WWOX: variants seen among roughly 807,000 people sequenced by gnomAD.
WWOX encodes WW domain-containing oxidoreductase.
WWOX carries 69 observed loss-of-function variants against 46.2 expected under a neutral mutation model. The ratio of observed to expected loss-of-function variants is 1.49; its 90% CI spans 1.23 to 1.82. The LOEUF is 1.82. Ranked by LOEUF, WWOX falls within the 40% of genes most tolerant of loss-of-function variation. WWOX has a pLI of 0.00. For missense variants in WWOX, 919 were observed against 542.6 expected (o/e 1.69, Z -6.89); for synonymous variants, 359 against 202.6 (o/e 1.77, Z -6.56).
At chr16:78,971,597 A>G (rs2046471805) in intron 8 of WWOX, among the ~76,000 whole-genome samples, 1 of 152,130 alleles carries the variant, frequency 6.6e-6, no homozygotes, top group Non-Finnish European at 1.5e-5. Context: ...CCAGAAGAGC[A>G]TAAGAAAAAG....
chr16:78,874,659 G>C (rs1555555472), intron 8 of WWOX, among the ~76,000 whole-genome samples: 2 of 145,732 alleles, frequency 1.4e-5, no homozygotes, highest in Non-Finnish European at 3.0e-5. Flanking sequence ...ACCTTCAACT[G>C]TGTCTGTGAC....
intron 8 of WWOX, among the ~76,000 whole-genome samples, chr16:79,037,767 T>C (rs571927989): frequency 6.6e-6 from 1 of 152,280 alleles, no homozygotes; most frequent in South Asian, 2.1e-4. Context: ...GAGTTGTTTT[T>C]ATCCCCTACA....
intron 8 of WWOX, among the ~76,000 whole-genome samples, chr16:78,634,252 G>C (rs927931220): frequency 1.3e-5 from 2 of 152,204 alleles, no homozygotes. Context: ...AGTTAGTTAA[G>C]TGTATGACAA....
At chr16:78,647,881 G>A (rs914997779) in intron 8 of WWOX, among the ~76,000 whole-genome samples, 1 of 151,850 alleles carries the variant, frequency 6.6e-6, no homozygotes, top group Non-Finnish European at 1.5e-5. Flanking sequence ...CTCTCACTCT[G>A]AGTATTTAGA....
At chr16:78,816,961 A>C (rs2051346589) in intron 8 of WWOX, among the ~76,000 whole-genome samples, 1 of 152,114 alleles carries the variant, frequency 6.6e-6, no homozygotes, top group African/African-American at 2.4e-5. Flanking sequence ...ACAAACAAGT[A>C]AATACCTTGG....
chr16:78,515,160 G>T (rs185190640), intron 8 of WWOX, among the ~76,000 whole-genome samples: 18 of 152,240 alleles, frequency 1.2e-4, no homozygotes, highest in African/African-American at 4.1e-4. Flanking sequence ...GGAGGCGGAG[G>T]TTACAGTGAA....
At chr16:78,858,872 T>C (rs1004987145) in intron 8 of WWOX, among the ~76,000 whole-genome samples, 4 of 150,616 alleles carry the variant, frequency 2.7e-5, no homozygotes, top group African/African-American at 9.8e-5. Context: ...GTAGTTGGGG[T>C]CTCACCATGT....
chr16:78,698,383 T>A (rs2048144610), intron 8 of WWOX, among the ~76,000 whole-genome samples: 1 of 152,236 alleles, frequency 6.6e-6, no homozygotes, highest in African/African-American at 2.4e-5. Flanking sequence ...CACAGAGGTT[T>A]CGCTACATTT....
intron 8 of WWOX, among the ~76,000 whole-genome samples, chr16:78,632,861 T>C (rs946556621): frequency 6.6e-6 from 1 of 151,960 alleles, no homozygotes; most frequent in African/African-American, 2.4e-5. Context: ...CCCGGCCTAC[T>C]TGGCCAAATT....
intron 8 of WWOX, among the ~76,000 whole-genome samples, chr16:78,498,031 T>C (rs1277422275): frequency 6.6e-6 from 1 of 151,616 alleles, no homozygotes; most frequent in Non-Finnish European, 1.5e-5. Context: ...TGAAATGCTG[T>C]CTCTACTAAA....
chr16:78,842,631 A>C (rs905511479), intron 8 of WWOX, among the ~76,000 whole-genome samples: 10 of 152,202 alleles, frequency 6.6e-5, no homozygotes, highest in South Asian at 2.1e-4. Context: ...TGGGAGGTCA[A>C]GGCGGATGGA....
At chr16:79,012,193 A>G (rs1469419681) in intron 8 of WWOX, among the ~76,000 whole-genome samples, 1 of 152,122 alleles carries the variant, frequency 6.6e-6, no homozygotes, top group Non-Finnish European at 1.5e-5. Context: ...GCCACAAGCC[A>G]CATCTGGCTG....
At chr16:78,410,884 G>C (rs541726596) in intron 6 of WWOX, among the ~76,000 whole-genome samples, 109 of 151,250 alleles carry the variant, frequency 7.2e-4, no homozygotes, top group African/African-American at 2.5e-3. Flanking sequence ...CTAACATCAT[G>C]CATGGCTGTT....
chr16:79,051,575 G>GGGTGGGA (rs1348607455), intron 8 of WWOX, among the ~76,000 whole-genome samples: 1 of 151,780 alleles, frequency 6.6e-6, no homozygotes, highest in African/African-American at 2.4e-5. Flanking sequence ...TGTGCTGGGT[G>GGGTGGGA]GGTGGGAGGG....
chr16:78,926,120 C>T (rs1049718355), intron 8 of WWOX, among the ~76,000 whole-genome samples: 1 of 152,116 alleles, frequency 6.6e-6, no homozygotes, highest in African/African-American at 2.4e-5. Context: ...AAATACAGCA[C>T]TTTGGGAGTG....
chr16:78,924,611 G>C (rs2045456818), intron 8 of WWOX, among the ~76,000 whole-genome samples: 1 of 152,136 alleles, frequency 6.6e-6, no homozygotes, highest in South Asian at 2.1e-4. Context: ...ACATATATCA[G>C]AGTCCTTTTG....
chr16:78,182,475 C>G (rs565754925), intron 5 of WWOX, among the ~76,000 whole-genome samples: 2 of 151,964 alleles, frequency 1.3e-5, no homozygotes, highest in African/African-American at 2.4e-5. Flanking sequence ...AGCTTTTCCT[C>G]CCCACATCTG....
intron 4 of WWOX, among the ~76,000 whole-genome samples, chr16:78,141,123 G>A (rs1727565352): frequency 6.6e-6 from 1 of 152,218 alleles, no homozygotes; most frequent in Non-Finnish European, 1.5e-5. Flanking sequence ...GGATCACAGA[G>A]CAAGCTGCCT....
At chr16:78,712,186 G>C (rs1357224643) in intron 8 of WWOX, among the ~76,000 whole-genome samples, 1 of 152,104 alleles carries the variant, frequency 6.6e-6, no homozygotes, top group African/African-American at 2.4e-5. Flanking sequence ...GGCTCATTCA[G>C]GGTGGTACGG....
Sources: allele counts gnomAD v4.1 joint callset (sites outside exome capture counted in the v4.1 genomes callset), GRCh38; gene constraint gnomAD v4.1.1; transcripts MANE v1.5; gene names NCBI Gene and HGNC (gene_info 2026-07-23, HGNC 2026-07-21).